The following RNF121 variants were observed in gnomAD, a reference collection of about 807,000 sequenced individuals.
RNF121 encodes E3 ubiquitin ligase RNF121.
RNF121 carries 21 observed loss-of-function variants against 46.5 expected under a neutral mutation model. That is an observed-to-expected ratio of 0.45 (90% CI 0.32 to 0.65). The LOEUF is 0.65. RNF121 is among the 30% of genes least tolerant of loss of function. The pLI, the probability that RNF121 is intolerant of heterozygous loss-of-function variation, is 0.04. For synonymous variants in RNF121, 139 were observed against 144.7 expected (o/e 0.96, Z 0.28); for missense variants, 346 against 416.0 (o/e 0.83, Z 1.46).
intron 1 of RNF121, among the ~76,000 whole-genome samples, chr11:71,935,679 C>CTG (rs1313611909): frequency 6.6e-6 from 1 of 152,076 alleles, no homozygotes; most frequent in Non-Finnish European, 1.5e-5. Context: ...AGTTTTTAAT[C>CTG]TGTGAAATGA....
intron 1 of RNF121, 100 bp from the exon 2 acceptor site, chr11:71,957,127 C>T: frequency 3.6e-6 from 3 of 827,268 alleles, no homozygotes; most frequent in Non-Finnish European, 6.5e-6. Flanking sequence ...CTTGAAGCTT[C>T]TCTAATTCCT....
At chr11:71,967,354 T>TTG (rs1954304865) in intron 3 of RNF121, among the ~76,000 whole-genome samples, 1 of 135,408 alleles carries the variant, frequency 7.4e-6, no homozygotes. Context: ...TTTTTGTTTT[T>TTG]TTTTTTTTTT....
At chr11:71,991,695 C>T (rs948411651) in intron 6 of RNF121, among the ~76,000 whole-genome samples, 2 of 152,004 alleles carry the variant, frequency 1.3e-5, no homozygotes, top group East Asian at 1.9e-4. Context: ...AGTCCTGTCA[C>T]GGGAGAAAGT....
intron 1 of RNF121, among the ~76,000 whole-genome samples, chr11:71,936,796 AAAGATG>A (rs1402765291): frequency 1.4e-5 from 2 of 147,104 alleles, no homozygotes; most frequent in Non-Finnish European, 3.0e-5. Flanking sequence ...GAGAGGAAGG[AAAGATG>A]AAGATGAAGA....
intron 6 of RNF121, among the ~76,000 whole-genome samples, chr11:71,993,840 T>TAAG (rs1954914097): frequency 1.3e-5 from 2 of 150,404 alleles, no homozygotes; most frequent in South Asian, 4.2e-4. Context: ...TGACACTTCC[T>TAAG]CTTTTTTTTT....
intron 1 of RNF121, among the ~76,000 whole-genome samples, chr11:71,947,017 G>T (rs150182334): frequency 6.6e-6 from 1 of 151,768 alleles, no homozygotes; most frequent in African/African-American, 2.4e-5. Flanking sequence ...ACAGGCATGC[G>T]CCACCACACC....
At chr11:71,979,099 C>T (rs1954593258) in intron 3 of RNF121, among the ~76,000 whole-genome samples, 2 of 152,116 alleles carry the variant, frequency 1.3e-5, no homozygotes, top group Admixed American at 1.3e-4. Context: ...ACTCCTTTTC[C>T]CATTAAATGC....
rs1954909715 is a variant in RNF121, at chr11:71,993,577, C to T, written c.628-1142C>T. Among the ~76,000 whole-genome samples, 3 of 152,090 alleles carry T rather than the reference C, an allele frequency of 2.0e-5. No homozygotes were observed. The South Asian group carries it at 6.2e-4, about 32-fold the overall frequency. On this transcript the variant is annotated intron_variant, in intron 6 of 8. Transcript: ENST00000361756. ...TAGTATTCCATTGTGTGTGACACCG[C>T]ATTTGGTTTATTCATTCATCTGTGG...
intron 5 of RNF121, among the ~76,000 whole-genome samples, chr11:71,988,234 G>A (rs1022510753): frequency 2.6e-5 from 4 of 152,102 alleles, no homozygotes; most frequent in Non-Finnish European, 5.9e-5. Context: ...CTCCCACCCC[G>A]AATTGAGTCA....
chr11:71,972,377 C>T (rs766399712), intron 3 of RNF121, among the ~76,000 whole-genome samples: 3 of 152,110 alleles, frequency 2.0e-5, no homozygotes, highest in Non-Finnish European at 2.9e-5. Context: ...TAAAAAAATG[C>T]CTCTTATGGC....
intron 1 of RNF121, among the ~76,000 whole-genome samples, chr11:71,940,164 T>C (rs972502653): frequency 2.0e-5 from 3 of 152,202 alleles, no homozygotes; most frequent in African/African-American, 7.2e-5. Flanking sequence ...AATGATATAT[T>C]TACTGATAAC....
chr11:71,971,926 G>T (rs961065323), intron 3 of RNF121, among the ~76,000 whole-genome samples: 3 of 152,312 alleles, frequency 2.0e-5, no homozygotes, highest in Middle Eastern at 6.8e-3. Context: ...ATGTAAGAGG[G>T]TGTTCACTGA....
At chr11:71,992,949 C>T (rs1403089407) in intron 6 of RNF121, among the ~76,000 whole-genome samples, 1 of 151,998 alleles carries the variant, frequency 6.6e-6, no homozygotes, top group African/African-American at 2.4e-5. Context: ...AGTGTCATCC[C>T]CCAAGACCCC....
chr11:71,958,757 T>C (rs765153603), intron 2 of RNF121, among the ~76,000 whole-genome samples: 1 of 152,176 alleles, frequency 6.6e-6, no homozygotes, highest in Non-Finnish European at 1.5e-5. Flanking sequence ...CTGCTGGTTC[T>C]AAAATAGATT....
intron 1 of RNF121, among the ~76,000 whole-genome samples, chr11:71,949,657 GC>G (rs1279221781): frequency 6.6e-6 from 1 of 151,990 alleles, no homozygotes; most frequent in Non-Finnish European, 1.5e-5. Flanking sequence ...CCAAGGTTGT[GC>G]CACTGCACTC....
chr11:71,938,212 G>A (rs755313221), intron 1 of RNF121, among the ~76,000 whole-genome samples: 16 of 151,810 alleles, frequency 1.1e-4, no homozygotes, highest in Non-Finnish European at 1.6e-4. Context: ...AGTGCCCTGC[G>A]AACAGTCTTT....
rs201859304 is a variant in RNF121 at position 71,985,941 on chromosome 11, C to CA, written c.399-1054dup. On this transcript the variant is annotated intron_variant, in intron 4 of 8. Coordinates refer to ENST00000361756, the MANE Select transcript of RNF121 (RefSeq NM_018320.5). ...GACCCCATCTCTAGCCAAAAAAAAACAAAAAAAAAGGCCCTGGTTCCTTCA... is the reference window on the plus strand; with the variant it reads ...GACCCCATCTCTAGCCAAAAAAAAACAAAAAAAAAAGGCCCTGGTTCCTTCA... Among the ~76,000 whole-genome samples the CA allele has an allele frequency of 1.0e-3, 153 of 148,968 alleles. 1 individual carries two copies. The highest frequency in any genetic ancestry group is 1.9e-3 in the African/African-American group (77 of 40,592).
At chr11:71,979,972 T>G (rs935834737) in intron 3 of RNF121, among the ~76,000 whole-genome samples, 14 of 152,222 alleles carry the variant, frequency 9.2e-5, no homozygotes, top group African/African-American at 3.4e-4. Context: ...TGCCACCCTT[T>G]TAGTTTCATG....
intron 5 of RNF121, 152 bp downstream of exon 5, chr11:71,987,263 T>G (rs1367285991): frequency 3.3e-6 from 2 of 604,638 alleles, no homozygotes; most frequent in Non-Finnish European, 5.9e-6. Context: ...GAAGACAGGC[T>G]CTCCATGATT....
Sources: gnomAD v4.1 joint callset for allele counts (sites outside exome capture counted in the v4.1 genomes callset) on GRCh38, gnomAD v4.1.1 for gene constraint, MANE v1.5 for transcripts, NCBI Gene and HGNC (gene_info 2026-07-23, HGNC 2026-07-21) for gene names.